SRPX: variants seen among roughly 807,000 people sequenced by gnomAD.
The protein encoded by SRPX is sushi repeat containing protein X-linked, also known as sushi repeat-containing protein SRPX.
A neutral mutation model predicts 38.1 loss-of-function variants in SRPX; 24 were observed. The ratio of observed to expected loss-of-function variants is 0.63; its 90% CI spans 0.46 to 0.89. The LOEUF is 0.89. Ranked by LOEUF, SRPX falls within the 40% of genes least tolerant of loss-of-function variation. The pLI is 0.00. For missense variants in SRPX, 416 were observed against 377.8 expected, an observed-to-expected ratio of 1.10 and a Z score of -0.84; for synonymous variants, 184 against 153.8, an observed-to-expected ratio of 1.20 and a Z score of -1.45.
rs1207586801 is a variant in SRPX at position 38,177,253 on chromosome X, C to T, written c.157+1032G>A. On this transcript the variant is annotated intron_variant, in intron 2 of 9. Transcript: ENST00000378533. ...TTGCTTGATTGGTTAATTCCTGAGGCTATGGAGATAGAAACTATAGGTAGG... is the reference window on the plus strand; with the variant it reads ...TTGCTTGATTGGTTAATTCCTGAGGTTATGGAGATAGAAACTATAGGTAGG... 2.7e-5 allele frequency among the ~76,000 whole-genome samples: 3 copies of T among 111,558 alleles called. No individual in the cohort carries two copies. The Admixed American group carries it at 2.9e-4, about 11-fold the overall frequency.
intron 2 of SRPX, among the ~76,000 whole-genome samples, chrX:38,177,271 T>C (rs772997307): frequency 1.9e-3 from 209 of 111,564 alleles, no homozygotes; most frequent in African/African-American, 6.5e-3. Flanking sequence ...ATAGAAACTA[T>C]AGGTAGGAAT....
intron 1 of SRPX, among the ~76,000 whole-genome samples, chrX:38,201,410 A>C (rs1383563451): frequency 1.8e-5 from 2 of 111,903 alleles, no homozygotes; most frequent in East Asian, 5.6e-4. Flanking sequence ...ACAATATTCC[A>C]ATTCTGGGTA....
At chrX:38,213,693 T>A (rs1183565946) in intron 1 of SRPX, among the ~76,000 whole-genome samples, 1 of 111,772 alleles carries the variant, frequency 8.9e-6, no homozygotes, top group Non-Finnish European at 1.9e-5. Context: ...TTTAACTGGA[T>A]CACGGTTCTG....
At chrX:38,190,951 G>A (rs747599615) in intron 1 of SRPX, among the ~76,000 whole-genome samples, 2 of 111,536 alleles carry the variant, frequency 1.8e-5, no homozygotes, top group East Asian at 5.6e-4. Flanking sequence ...TTTCTCTGGT[G>A]GTAAAATGAG....
At chrX:38,199,476 G>T (rs1939069982) in intron 1 of SRPX, among the ~76,000 whole-genome samples, 1 of 110,959 alleles carries the variant, frequency 9.0e-6, no homozygotes, top group Admixed American at 9.6e-5. Context: ...TCTGGGAACA[G>T]CACAGGGTCT....
In SRPX at chrX:38,149,776, T is replaced by C. The variant is rs1213829560; in HGVS notation, c.1330A>G (p.Thr444Ala). The C allele has an allele frequency of 8.3e-7, 1 of 1,209,544 alleles. No homozygotes were observed. The highest frequency in any genetic ancestry group is 1.8e-5 in the African/African-American group (1 of 57,036). Residue 444 changes from threonine (T) to alanine (A), a missense_variant, in exon 10 of 10, where the codon ACT becomes GCT. By Grantham distance (58) the Thr-to-Ala change is moderately conservative. Coordinates refer to ENST00000378533, the MANE Select transcript of SRPX (RefSeq NM_006307.5). ...MPVALFNLID[T>A]FPLRKEEMVL... ...ATCTCTTCTTTTCTCAAGGGAAAAG[T>C]GTCAATCAGGTTGAACAGGGCCACA... is the stretch of plus-strand genomic sequence containing the variant.
chrX:38,168,938 A>G (rs899148247), intron 4 of SRPX, among the ~76,000 whole-genome samples: 6 of 112,311 alleles, frequency 5.3e-5, no homozygotes, highest in Non-Finnish European at 9.4e-5. Context: ...GGATCACTTA[A>G]GCCTGGGAGT....
chrX:38,152,601 C>T (rs1569202085), intron 9 of SRPX, among the ~76,000 whole-genome samples: 1 of 112,209 alleles, frequency 8.9e-6, no homozygotes, highest in Non-Finnish European at 1.9e-5. Context: ...TTGAGAACCA[C>T]GACATAATGT....
At chrX:38,183,084 C>T (rs750460968) in intron 1 of SRPX, among the ~76,000 whole-genome samples, 60 of 103,252 alleles carry the variant, frequency 5.8e-4, no homozygotes, top group African/African-American at 2.1e-3. Flanking sequence ...GACAGGGTCT[C>T]GCTCTGTTGC....
At chrX:38,177,456 G>A (rs1288828737) in intron 2 of SRPX, among the ~76,000 whole-genome samples, 1 of 110,715 alleles carries the variant, frequency 9.0e-6, no homozygotes, top group African/African-American at 3.3e-5. Context: ...TCCTGTATCT[G>A]AGACACATCA....
chrX:38,200,803 A>C (rs1939096708), intron 1 of SRPX, among the ~76,000 whole-genome samples: 1 of 112,223 alleles, frequency 8.9e-6, no homozygotes, highest in South Asian at 3.7e-4. Flanking sequence ...TACAGCAATT[A>C]AATCTCAACA....
At chrX:38,153,787 G>A (rs907237283) in intron 9 of SRPX, among the ~76,000 whole-genome samples, 2 of 111,760 alleles carry the variant, frequency 1.8e-5, no homozygotes, top group Non-Finnish European at 3.8e-5. Context: ...ACAGGGAGCA[G>A]CCTGGGACCC....
intron 9 of SRPX, among the ~76,000 whole-genome samples, chrX:38,151,260 GCAAAGTGC>G (rs1173351383): frequency 8.9e-6 from 1 of 112,096 alleles, no homozygotes; most frequent in Admixed American, 9.5e-5. Flanking sequence ...GTAGATGACT[GCAAAGTGC>G]ATTAATGAGT....
At chrX:38,154,734 G>A (rs1015377498) in intron 8 of SRPX, 151 bp from the exon 9 acceptor site, 1 of 705,196 alleles carries the variant, frequency 1.4e-6, no homozygotes, top group Non-Finnish European at 2.0e-6. Flanking sequence ...AGAAATTGGG[G>A]TTAAGATAGT....
At chrX:38,150,382 A>G (rs1010122223) in intron 9 of SRPX, among the ~76,000 whole-genome samples, 1 of 112,164 alleles carries the variant, frequency 8.9e-6, no homozygotes, top group African/African-American at 3.2e-5. Flanking sequence ...GGACAAAGTC[A>G]GTGATTATGA....
intron 1 of SRPX, among the ~76,000 whole-genome samples, chrX:38,185,018 A>C (rs757851363): frequency 8.0e-5 from 9 of 112,252 alleles, no homozygotes; most frequent in South Asian, 7.4e-4. Flanking sequence ...AAATAGCCAC[A>C]TGTGGTTAAT....
chrX:38,189,034 T>C (rs1348515749), intron 1 of SRPX, among the ~76,000 whole-genome samples: 1 of 111,564 alleles, frequency 9.0e-6, no homozygotes, highest in Non-Finnish European at 1.9e-5. Flanking sequence ...ATAGATGTTA[T>C]ATCCCATGAA....
chrX:38,157,396 C>A (rs1002441077), intron 7 of SRPX, among the ~76,000 whole-genome samples: 17 of 111,188 alleles, frequency 1.5e-4, no homozygotes, highest in African/African-American at 4.6e-4. Flanking sequence ...TTGTCTTTTT[C>A]AGCATCGAGA....
intron 1 of SRPX, among the ~76,000 whole-genome samples, chrX:38,210,000 C>T (rs1471056308): frequency 1.8e-5 from 2 of 112,267 alleles, no homozygotes; most frequent in Non-Finnish European, 3.8e-5. Flanking sequence ...AATGTCCTGT[C>T]CTGAAACCAA....
Sources: gnomAD v4.1 joint callset for allele counts (sites outside exome capture counted in the v4.1 genomes callset) on GRCh38, gnomAD v4.1.1 for gene constraint, MANE v1.5 for transcripts, NCBI Gene and HGNC (gene_info 2026-07-23, HGNC 2026-07-21) for gene names.